RAP1GAP2: variants seen among roughly 807,000 people sequenced by gnomAD.
RAP1GAP2 encodes RAP1 GTPase activating protein 2.
RAP1GAP2 carries 27 observed loss-of-function variants against 95.0 expected under a neutral mutation model. That is an observed-to-expected ratio of 0.28 (90% CI 0.21 to 0.39). The LOEUF is 0.39. Ranked by LOEUF, RAP1GAP2 falls within the 10% of genes least tolerant of loss-of-function variation. RAP1GAP2 has a pLI of 1.00. For synonymous variants in RAP1GAP2, 373 were observed against 380.9 expected (o/e 0.98, Z 0.24); for missense variants, 771 against 970.0 (o/e 0.79, Z 2.72).
At chr17:2,832,277 G>T (rs531819012) in intron 2 of RAP1GAP2, among the ~76,000 whole-genome samples, 2 of 150,424 alleles carry the variant, frequency 1.3e-5, no homozygotes, top group East Asian at 3.9e-4. Context: ...ATAAAGTCTC[G>T]GCCGGGCGCG....
intron 23 of RAP1GAP2, 84 bp from the exon 24 acceptor site, chr17:3,032,327 G>A: frequency 6.6e-7 from 1 of 1,514,680 alleles, no homozygotes; most frequent in Non-Finnish European, 9.2e-7. Flanking sequence ...CCAGACTGTT[G>A]AGAGCTGAGT....
chr17:2,810,025 T>TC (rs1567668262), intron 2 of RAP1GAP2, among the ~76,000 whole-genome samples: 1 of 59,514 alleles, frequency 1.7e-5, no homozygotes, highest in African/African-American at 7.4e-5. Context: ...GACCCTCCCC[T>TC]CCCCCCGCCC....
intron 3 of RAP1GAP2, among the ~76,000 whole-genome samples, chr17:2,930,344 GTAGACC>G (rs2151790729): frequency 6.6e-6 from 1 of 152,324 alleles, no homozygotes; most frequent in Non-Finnish European, 1.5e-5. Flanking sequence ...TGCCAGCTGG[GTAGACC>G]CAGAGGGTCA....
intron 2 of RAP1GAP2, among the ~76,000 whole-genome samples, chr17:2,843,479 G>A (rs1440560893): frequency 1.3e-5 from 2 of 151,840 alleles, no homozygotes; most frequent in Non-Finnish European, 2.9e-5. Context: ...TAGAGACGGG[G>A]TTTCACCATG....
At chr17:2,999,084 T>C (rs1267977972) in intron 14 of RAP1GAP2, among the ~76,000 whole-genome samples, 1 of 152,192 alleles carries the variant, frequency 6.6e-6, no homozygotes, top group Non-Finnish European at 1.5e-5. Context: ...CACCTGGGTC[T>C]GAACCTCCCA....
intron 3 of RAP1GAP2, among the ~76,000 whole-genome samples, chr17:2,954,705 T>C (rs564279728): frequency 1.3e-5 from 2 of 152,220 alleles, no homozygotes; most frequent in South Asian, 4.1e-4. Flanking sequence ...GCGATTCTCC[T>C]GCCTCAGCCT....
Position 3,008,061 on chromosome 17 carries a change from C to A in RAP1GAP2, c.1410C>A (p.Ala470=), listed in dbSNP as rs753198570. ...LLDNLHDELH[A]HTQAMLGLGP... ...ACAACCTTCACGATGAGCTCCACGC[C>A]CACACACAGGCCATGCTGGGACTGG... The change falls in exon 17 of 25, where the codon GCC becomes GCA. Residue 470 remains alanine (A), a synonymous_variant. Coordinates refer to ENST00000254695, the MANE Select transcript of RAP1GAP2 (RefSeq NM_015085.5). The surrounding 1 kb of genome is among the most constrained non-coding windows in gnomAD (Gnocchi z 4.2). The A allele has an allele frequency of 2.0e-5, 32 of 1,613,844 alleles. No individual in the cohort carries two copies. Among genetic ancestry groups the A allele is most frequent in the Non-Finnish European group, 2.6e-5 (31 of 1,179,884 alleles).
At chr17:2,795,141 G>T (rs959068917), upstream of RAP1GAP2, among the ~76,000 whole-genome samples, 10 of 151,608 alleles carry the variant, frequency 6.6e-5, no homozygotes, top group Admixed American at 1.3e-4. Flanking sequence ...GCCTCCCAAA[G>T]TGCTGGGATT....
chr17:2,787,863 A>G (rs2068827373), intron 1 of RAP1GAP2, among the ~76,000 whole-genome samples: 1 of 152,170 alleles, frequency 6.6e-6, no homozygotes, highest in Non-Finnish European at 1.5e-5. Flanking sequence ...CACCGCGCCC[A>G]GCCTGTGCCT....
intron 2 of RAP1GAP2, among the ~76,000 whole-genome samples, chr17:2,833,261 G>A (rs1422385757): frequency 6.7e-6 from 1 of 149,910 alleles, no homozygotes; most frequent in Non-Finnish European, 1.5e-5. Flanking sequence ...TCCTGCCTCA[G>A]CCTCCCGGGT....
intron 19 of RAP1GAP2, among the ~76,000 whole-genome samples, chr17:3,025,593 G>A (rs1010759817): frequency 6.6e-6 from 1 of 152,200 alleles, no homozygotes; most frequent in African/African-American, 2.4e-5. Flanking sequence ...CTTCCCAGGA[G>A]TCCATGTGTA....
At chr17:2,876,365 A>T (rs2073100169) in intron 2 of RAP1GAP2, among the ~76,000 whole-genome samples, 1 of 152,182 alleles carries the variant, frequency 6.6e-6, no homozygotes, top group Non-Finnish European at 1.5e-5. Context: ...TGGTTGGGCT[A>T]CAGGTGGTTT....
At position 3,026,864 on chromosome 17, in the gene RAP1GAP2, C is replaced by G; in HGVS notation, c.1981-80C>G. On this transcript the variant is annotated intron_variant, in intron 21 of 24. Transcript: ENST00000254695. Reference sequence around the variant, plus strand: ...AGCAGGAGGCAGCGGCTGTCCTGGGCTTTTGGGGGCTGCCTCAGGCCTGCG... The same window carrying G: ...AGCAGGAGGCAGCGGCTGTCCTGGGGTTTTGGGGGCTGCCTCAGGCCTGCG... The G allele has an allele frequency of 2.7e-6, 4 of 1,494,600 alleles. No homozygotes were observed. In the East Asian group the frequency reaches 1.0e-4, roughly 37 times the overall value. 92.6% of individuals were successfully genotyped at this position (1,494,600 alleles called of 1,614,324 possible).
intron 8 of RAP1GAP2, among the ~76,000 whole-genome samples, chr17:2,969,488 T>A (rs1233409401): frequency 7.1e-6 from 1 of 141,264 alleles, no homozygotes; most frequent in Non-Finnish European, 1.5e-5. Flanking sequence ...TGTGTAAATA[T>A]ATATATTCTT....
chr17:2,998,959 A>G (rs1387267157), intron 14 of RAP1GAP2, among the ~76,000 whole-genome samples: 1 of 152,170 alleles, frequency 6.6e-6, no homozygotes, highest in Admixed American at 6.5e-5. Context: ...GTTGATGGTG[A>G]GGGTGGAGAG....
upstream of RAP1GAP2, among the ~76,000 whole-genome samples, chr17:2,796,283 T>C (rs1461503287): frequency 6.6e-6 from 1 of 152,108 alleles, no homozygotes; most frequent in East Asian, 1.9e-4. This position sits in a 1 kb window ranked among gnomAD's most constrained non-coding sequence, Gnocchi z 4.7. Context: ...CCTCTGGGTG[T>C]GGGGAAGCTG....
chr17:3,005,371 C>A lies in RAP1GAP2; in HGVS notation c.1203C>A (p.Val401=), dbSNP rs904460683. 6.2e-7 allele frequency: 1 copy of A among 1,613,776 alleles called. No homozygotes were observed. Among genetic ancestry groups the A allele is most frequent in the Non-Finnish European group, 8.5e-7 (1 of 1,179,670 alleles). ...TACCATGACTCTGTTTCACTCAGGT[C>A]TCTGTCACTGCGCGGGAAGATGTGC... The part of the protein sequence containing the change: ...TPGTETPSYK[V]SVTAREDVPT... The change falls in exon 15 of 25, where the codon GTC becomes GTA. Residue 401 remains valine (V), a splice_region_variant and synonymous_variant. Coordinates refer to ENST00000254695, the MANE Select transcript of RAP1GAP2 (RefSeq NM_015085.5). This position sits in a 1 kb window ranked among gnomAD's most constrained non-coding sequence, Gnocchi z 5.2.
intron 3 of RAP1GAP2, among the ~76,000 whole-genome samples, chr17:2,912,319 G>A (rs1423072010): frequency 6.6e-6 from 1 of 152,162 alleles, no homozygotes; most frequent in East Asian, 1.9e-4. Flanking sequence ...GGGGGCTTCT[G>A]TTCCAGCTTG....
chr17:2,895,642 T>C lies in RAP1GAP2; in HGVS notation c.81-9642T>C, dbSNP rs1597543471. 2.0e-5 allele frequency among the ~76,000 whole-genome samples: 3 copies of C among 152,034 alleles called. No homozygotes were observed. The South Asian group carries it at 6.2e-4, about 32-fold the overall frequency. On this transcript the variant is annotated intron_variant, in intron 2 of 24. Coordinates refer to ENST00000254695, the MANE Select transcript of RAP1GAP2 (RefSeq NM_015085.5). The stretch of plus-strand genomic sequence containing the variant: ...CCCAGGCTGGAGTGCAGTGGCGCGA[T>C]CTCGGCTTACTGCAACCTCCGCCTC...
Sources: gnomAD v4.1 joint callset for allele counts (sites outside exome capture counted in the v4.1 genomes callset) on GRCh38, gnomAD v4.1.1 for gene constraint, Gnocchi (gnomAD v3.1) non-coding constraint, MANE v1.5 for transcripts, NCBI Gene and HGNC (gene_info 2026-07-23, HGNC 2026-07-21) for gene names.